The following LOC128462377 variants were observed in gnomAD, a reference collection of about 807,000 sequenced individuals.
At chr16:89,345,836 A>G in the LOC128462377 span, among the ~76,000 whole-genome samples, 170 of 152,320 alleles carry the variant, frequency 1.1e-3, 1 homozygote, top group South Asian at 0.024. Flanking sequence ...TGAGGCCAGA[A>G]TGCATTCCAG....
the LOC128462377 span, among the ~76,000 whole-genome samples, chr16:89,347,674 T>C: frequency 6.6e-6 from 1 of 152,034 alleles, no homozygotes; most frequent in Admixed American, 6.6e-5. Flanking sequence ...ATTCTATTTC[T>C]CCTTATCGGT....
chr16:89,338,695 A>G, the LOC128462377 span, among the ~76,000 whole-genome samples: 2 of 129,448 alleles, frequency 1.5e-5, no homozygotes, highest in African/African-American at 5.9e-5. Context: ...ACTGCCCTCC[A>G]GCCTGGGCAG....
At chr16:89,368,173 ACT>A in the LOC128462377 span, among the ~76,000 whole-genome samples, 1 of 149,920 alleles carries the variant, frequency 6.7e-6, no homozygotes, top group African/African-American at 2.5e-5. Context: ...ATTCCAACAT[ACT>A]CTGTCCACTC....
chr16:89,410,302 G>A, the LOC128462377 span, among the ~76,000 whole-genome samples: 1 of 152,090 alleles, frequency 6.6e-6, no homozygotes, highest in Non-Finnish European at 1.5e-5. Flanking sequence ...TAGTTAGTAA[G>A]CCACCAGGAT....
the LOC128462377 span, among the ~76,000 whole-genome samples, chr16:89,402,091 C>G: frequency 6.6e-6 from 1 of 152,180 alleles, no homozygotes; most frequent in African/African-American, 2.4e-5. Context: ...AAGTTTCACT[C>G]TCTGTCCATG....
At chr16:89,333,807 A>G in the LOC128462377 span, among the ~76,000 whole-genome samples, 1 of 152,160 alleles carries the variant, frequency 6.6e-6, no homozygotes, top group Non-Finnish European at 1.5e-5. Flanking sequence ...AATAATACAG[A>G]ACAGGAAACA....
chr16:89,346,461 T>A, the LOC128462377 span, among the ~76,000 whole-genome samples: 4 of 151,986 alleles, frequency 2.6e-5, no homozygotes, highest in Non-Finnish European at 5.9e-5. Context: ...AATCACGCAA[T>A]CCATTTTTCA....
chr16:89,383,493 G>C, the LOC128462377 span, among the ~76,000 whole-genome samples: 4 of 152,212 alleles, frequency 2.6e-5, no homozygotes, highest in Admixed American at 6.5e-5. Context: ...CAAAACCTCG[G>C]GGCCATGTCC....
chr16:89,338,091 G>GC, the LOC128462377 span, among the ~76,000 whole-genome samples: 8 of 152,132 alleles, frequency 5.3e-5, no homozygotes, highest in Admixed American at 1.3e-4. Context: ...AGCCCCAGGG[G>GC]CCCCCACTAT....
At chr16:89,347,368 G>A in the LOC128462377 span, among the ~76,000 whole-genome samples, 1 of 152,174 alleles carries the variant, frequency 6.6e-6, no homozygotes, top group Non-Finnish European at 1.5e-5. Flanking sequence ...CCAGCACTTT[G>A]AGAGGCCAAG....
the LOC128462377 span, chr16:89,373,349 C>T: frequency 6.6e-6 from 1 of 152,316 alleles, no homozygotes; most frequent in African/African-American, 2.4e-5. Context: ...ATAACCCACA[C>T]AGTGATACAG....
At chr16:89,390,355 G>A in the LOC128462377 span, among the ~76,000 whole-genome samples, 13 of 152,246 alleles carry the variant, frequency 8.5e-5, no homozygotes, top group South Asian at 2.7e-3. Flanking sequence ...CGAACACCGA[G>A]TGTGGCGGGG....
chr16:89,342,967 G>A, the LOC128462377 span, among the ~76,000 whole-genome samples: 1 of 152,296 alleles, frequency 6.6e-6, no homozygotes, highest in East Asian at 1.9e-4. Context: ...CCGAATTTGG[G>A]ATGCACAAAC....
the LOC128462377 span, among the ~76,000 whole-genome samples, chr16:89,364,455 A>T: frequency 6.6e-6 from 1 of 152,216 alleles, no homozygotes; most frequent in Non-Finnish European, 1.5e-5. Flanking sequence ...GTTGTTTGAG[A>T]TGCTACTTAA....
chr16:89,405,626 G>GC, the LOC128462377 span, among the ~76,000 whole-genome samples: 48 of 151,890 alleles, frequency 3.2e-4, no homozygotes, highest in Admixed American at 1.2e-3. Context: ...GAGCCGCCAT[G>GC]CCCGGCTTTC....
At chr16:89,329,803 G>C in the LOC128462377 span, among the ~76,000 whole-genome samples, 3 of 152,104 alleles carry the variant, frequency 2.0e-5, no homozygotes, top group African/African-American at 4.8e-5. Flanking sequence ...GAGGTCAGGA[G>C]TTCGAAACCA....
At chr16:89,386,711 C>T in the LOC128462377 span, among the ~76,000 whole-genome samples, 1 of 152,222 alleles carries the variant, frequency 6.6e-6, no homozygotes, top group Non-Finnish European at 1.5e-5. Flanking sequence ...TTATAAGCTA[C>T]TCAAGTTTTT....
chr16:89,368,472 C>T, the LOC128462377 span, among the ~76,000 whole-genome samples: 1 of 148,312 alleles, frequency 6.7e-6, no homozygotes, highest in Non-Finnish European at 1.5e-5. Context: ...CCACCTGCCT[C>T]GGCCTCCGAA....
At chr16:89,327,880 G>A in the LOC128462377 span, among the ~76,000 whole-genome samples, 1 of 152,120 alleles carries the variant, frequency 6.6e-6, no homozygotes, top group Non-Finnish European at 1.5e-5. Flanking sequence ...AGAAAAAACT[G>A]ATAAACGACC....
Sources: gnomAD v4.1 joint callset for allele counts (sites outside exome capture counted in the v4.1 genomes callset) on GRCh38, gnomAD v4.1.1 for gene constraint, MANE v1.5 for transcripts.